DBT: variants seen among roughly 807,000 people sequenced by gnomAD.
The protein encoded by DBT is lipoamide acyltransferase component of branched-chain alpha-keto acid dehydrogenase complex, mitochondrial.
In DBT, 40 loss-of-function variants were observed where a neutral mutation model predicts 51.3. That is an observed-to-expected ratio of 0.78 (90% CI 0.61 to 1.02). The LOEUF is 1.02. Ranked by LOEUF, DBT falls within the 50% of genes least tolerant of loss-of-function variation. DBT has a pLI of 0.00. For missense variants in DBT, 510 were observed against 580.2 expected, an observed-to-expected ratio of 0.88 and a Z score of 1.24; for synonymous variants, 181 against 190.4, an observed-to-expected ratio of 0.95 and a Z score of 0.41.
chr1:100,213,207 G>C, intron 7 of DBT: 2 of 601,430 alleles, frequency 3.3e-6, no homozygotes, highest in Non-Finnish European at 5.0e-6. Flanking sequence ...AATGGGCCCT[G>C]CCCCGCGTCT....
intron 4 of DBT, among the ~76,000 whole-genome samples, chr1:100,228,874 A>G (rs1663364855): frequency 1.3e-5 from 2 of 152,208 alleles, no homozygotes; most frequent in South Asian, 2.1e-4. Context: ...AAATACCTAC[A>G]TGTACACATA....
intron 2 of DBT, among the ~76,000 whole-genome samples, chr1:100,238,047 T>C (rs778936994): frequency 2.0e-5 from 3 of 152,180 alleles, no homozygotes; most frequent in Non-Finnish European, 4.4e-5. Context: ...GATAATCAGT[T>C]TGATGTGAGA....
At chr1:100,232,840 A>G (rs1342744100) in intron 3 of DBT, among the ~76,000 whole-genome samples, 1 of 152,248 alleles carries the variant, frequency 6.6e-6, no homozygotes, top group Admixed American at 6.5e-5. Context: ...AGGAAGAGAC[A>G]ATAGAGCTAT....
At chr1:100,239,735 C>T (rs1331825062) in intron 2 of DBT, among the ~76,000 whole-genome samples, 1 of 151,624 alleles carries the variant, frequency 6.6e-6, no homozygotes, top group South Asian at 2.1e-4. Flanking sequence ...TAGTGATGCA[C>T]ACCTGTAGTC....
intron 2 of DBT, among the ~76,000 whole-genome samples, chr1:100,237,825 G>T (rs1194842992): frequency 6.6e-6 from 1 of 151,864 alleles, no homozygotes; most frequent in Non-Finnish European, 1.5e-5. Context: ...TTTTATAGAG[G>T]TGAGGTCTCA....
chr1:100,212,270 C>T (rs1282789429), intron 7 of DBT, among the ~76,000 whole-genome samples: 2 of 151,920 alleles, frequency 1.3e-5, no homozygotes, highest in Non-Finnish European at 2.9e-5. Flanking sequence ...AGTATTTTTT[C>T]GAATGTTCTG....
At chr1:100,212,402 G>T (rs1442902831) in intron 7 of DBT, among the ~76,000 whole-genome samples, 2 of 152,052 alleles carry the variant, frequency 1.3e-5, no homozygotes, top group South Asian at 4.1e-4. Flanking sequence ...GCCAGGTGTG[G>T]TGGTGCACAC....
At chr1:100,229,303 G>C (rs559359443) in intron 4 of DBT, among the ~76,000 whole-genome samples, 33 of 152,234 alleles carry the variant, frequency 2.2e-4, no homozygotes, top group Non-Finnish European at 4.7e-4. Flanking sequence ...GAGTAGCTGG[G>C]ACTACAGGCA....
chr1:100,235,575 C>T (rs1203418792), intron 2 of DBT, 64 bp from the exon 3 acceptor site: 2 of 861,888 alleles, frequency 2.3e-6, no homozygotes, highest in Non-Finnish European at 3.9e-6. Flanking sequence ...TATACTTTCA[C>T]ATCTAAAATT....
At chr1:100,206,118 C>G in intron 10 of DBT, 112 bp downstream of exon 10, 1 of 697,164 alleles carries the variant, frequency 1.4e-6, no homozygotes, top group Middle Eastern at 3.1e-4. Flanking sequence ...AAGATAAACT[C>G]AGAAACTTAA....
Position 100,187,395 on chromosome 1 carries a change from A to G in DBT, c.*8860T>C, listed in dbSNP as rs1660611907. 6.6e-6 allele frequency: 1 copy of G among 152,238 alleles called. No homozygotes were observed. Among genetic ancestry groups the G allele is most frequent in the Non-Finnish European group, 1.5e-5 (1 of 68,040 alleles). 9.4% of individuals were successfully genotyped at this position (152,238 alleles called of 1,614,324 possible). On this transcript the variant is annotated 3_prime_UTR_variant, in exon 11 of 11. Transcript: ENST00000370132. ...ATATGCTCATCCCACTTTTATTTTT[A>G]TGCACTACTTTTAGTTCTGCAGAAA...
rs927003580 is a variant in DBT at position 100,188,216 on chromosome 1, T to A, written c.*8039A>T. The A allele has an allele frequency of 1.3e-5, 2 of 152,322 alleles. No individual in the cohort carries two copies. Among genetic ancestry groups the A allele is most frequent in the Admixed American group, 1.3e-4 (2 of 15,306 alleles). 9.4% of individuals were successfully genotyped at this position (152,322 alleles called of 1,614,324 possible). ...GCTCTGAGCATTTGAATATCTAATGTTTCAAACTGTTAGTCCTGTTCTGAT... is the reference window on the plus strand; with the variant it reads ...GCTCTGAGCATTTGAATATCTAATGATTCAAACTGTTAGTCCTGTTCTGAT... On this transcript the variant is annotated 3_prime_UTR_variant, in exon 11 of 11. Transcript: ENST00000370132.
intron 6 of DBT, 135 bp downstream of exon 6, chr1:100,215,848 T>G (rs1035380450): frequency 1.4e-6 from 1 of 691,526 alleles, no homozygotes; most frequent in Non-Finnish European, 2.6e-6. Flanking sequence ...AAAAGAAAAA[T>G]TATATGCTGA....
chr1:100,238,855 T>G (rs1170066504), intron 2 of DBT, among the ~76,000 whole-genome samples: 1 of 151,990 alleles, frequency 6.6e-6, no homozygotes, highest in Non-Finnish European at 1.5e-5. Flanking sequence ...TTCAATGAGG[T>G]GAGAGTTGAA....
At chr1:100,225,050 TATACAC>T (rs1160506791) in intron 4 of DBT, among the ~76,000 whole-genome samples, 1 of 78,088 alleles carries the variant, frequency 1.3e-5, no homozygotes, top group African/African-American at 5.2e-5. Flanking sequence ...AAAATATATA[TATACAC>T]ACACACACAC....
chr1:100,202,315 G>T (rs1661491595), intron 10 of DBT, among the ~76,000 whole-genome samples: 1 of 151,994 alleles, frequency 6.6e-6, no homozygotes, highest in Admixed American at 6.5e-5. Context: ...AAAAGACAAG[G>T]GCATTACATA....
At chr1:100,246,236 G>A (rs1042088679) in intron 1 of DBT, among the ~76,000 whole-genome samples, 1 of 152,128 alleles carries the variant, frequency 6.6e-6, no homozygotes, top group African/African-American at 2.4e-5. Context: ...CCAGCCTGGT[G>A]ACAGAGTGAG....
Position 100,192,400 on chromosome 1 carries a change from T to C in DBT, c.*3855A>G, listed in dbSNP as rs1660856319. ...ATACAGTTAATAAATAAGTGCAGAA[T>C]GAACTAACTAATCACTTACAGCCTG... On this transcript the variant is annotated 3_prime_UTR_variant, in exon 11 of 11. Transcript: ENST00000370132. 1 of 152,250 alleles carries C rather than the reference T, an allele frequency of 6.6e-6. No individual in the cohort carries two copies. The highest frequency in any genetic ancestry group is 2.4e-5 in the African/African-American group (1 of 41,472). 9.4% of individuals were successfully genotyped at this position (152,250 alleles called of 1,614,324 possible).
chr1:100,196,574 T>A (rs528821032), intron 10 of DBT, 152 bp from the exon 11 acceptor site: 5 of 1,194,078 alleles, frequency 4.2e-6, no homozygotes, highest in South Asian at 1.6e-5. Context: ...CAATGACTTT[T>A]GAAAATGCTG....
Sources: gnomAD v4.1 joint callset for allele counts (sites outside exome capture counted in the v4.1 genomes callset) on GRCh38, gnomAD v4.1.1 for gene constraint, MANE v1.5 for transcripts, NCBI Gene and HGNC (gene_info 2026-07-23, HGNC 2026-07-21) for gene names.